Variants in UBE2E2 observed in about 807,000 individuals in gnomAD.
The protein encoded by UBE2E2 is ubiquitin conjugating enzyme E2 E2, also known as ubiquitin-conjugating enzyme E2 E2.
Under a neutral mutation model 24.7 loss-of-function variants are expected in UBE2E2, and 6 were observed. The observed-to-expected ratio is 0.24, with a 90% CI of 0.13 to 0.48. The LOEUF is 0.48. UBE2E2 is among the 20% of genes least tolerant of loss of function. UBE2E2 has a pLI of 0.99. For synonymous variants in UBE2E2, 104 were observed against 83.6 expected, an observed-to-expected ratio of 1.24 and a Z score of -1.33; for missense variants, 169 against 245.0, an observed-to-expected ratio of 0.69 and a Z score of 2.07.
At chr3:23,513,023 T>C (rs1694644591) in intron 4 of UBE2E2, among the ~76,000 whole-genome samples, 1 of 152,174 alleles carries the variant, frequency 6.6e-6, no homozygotes, top group South Asian at 2.1e-4. Flanking sequence ...TCCCCCATAC[T>C]TGGCCACTAA....
intron 3 of UBE2E2, among the ~76,000 whole-genome samples, chr3:23,488,361 C>A (rs1699424563): frequency 6.6e-6 from 1 of 152,096 alleles, no homozygotes; most frequent in Non-Finnish European, 1.5e-5. Flanking sequence ...CCGCTAAGCC[C>A]CCTACCGCCC....
At chr3:23,410,802 A>T (rs1369017296) in intron 3 of UBE2E2, among the ~76,000 whole-genome samples, 1 of 152,190 alleles carries the variant, frequency 6.6e-6, no homozygotes, top group Non-Finnish European at 1.5e-5. Context: ...CAAGTTAACA[A>T]GCAATTCTGT....
intron 3 of UBE2E2, among the ~76,000 whole-genome samples, chr3:23,379,779 G>C (rs992363388): frequency 6.6e-6 from 1 of 152,112 alleles, no homozygotes; most frequent in African/African-American, 2.4e-5. Flanking sequence ...TGACCTTTAC[G>C]TTGAAATTCT....
At chr3:23,432,471 A>G (rs1698083756) in intron 3 of UBE2E2, among the ~76,000 whole-genome samples, 2 of 152,084 alleles carry the variant, frequency 1.3e-5, no homozygotes. Flanking sequence ...ATGATTTTTA[A>G]TATTTTTAAT....
chr3:23,438,337 TACCAGA>T (rs1270938440), intron 3 of UBE2E2, among the ~76,000 whole-genome samples: 4 of 152,142 alleles, frequency 2.6e-5, no homozygotes, highest in African/African-American at 4.8e-5. Context: ...GGATTTAGGG[TACCAGA>T]ACCAGAACAT....
chr3:23,308,840 C>T (rs150019021), intron 3 of UBE2E2, among the ~76,000 whole-genome samples: 170 of 152,234 alleles, frequency 1.1e-3, no homozygotes, highest in African/African-American at 4.0e-3. Context: ...GCCTCAAAAC[C>T]GGGTAAGCTG....
At chr3:23,216,726 A>C (rs1028886987) in intron 2 of UBE2E2, among the ~76,000 whole-genome samples, 1 of 152,006 alleles carries the variant, frequency 6.6e-6, no homozygotes, top group Non-Finnish European at 1.5e-5. Context: ...TTGCTCATGT[A>C]ATATTAGGGT....
At chr3:23,341,763 A>G (rs1009552230) in intron 3 of UBE2E2, among the ~76,000 whole-genome samples, 10 of 152,254 alleles carry the variant, frequency 6.6e-5, no homozygotes, top group African/African-American at 2.4e-4. Flanking sequence ...TAATTGATCA[A>G]ACTATTTGCT....
At chr3:23,352,146 C>T (rs938722550) in intron 3 of UBE2E2, among the ~76,000 whole-genome samples, 10 of 151,926 alleles carry the variant, frequency 6.6e-5, no homozygotes, top group East Asian at 1.9e-4. Context: ...GGGTACATAA[C>T]GAAATGAAGG....
chr3:23,258,900 G>GAAAAAAAAAAAAAA (rs11333992), intron 3 of UBE2E2, among the ~76,000 whole-genome samples: 2 of 78,902 alleles, frequency 2.5e-5, no homozygotes, highest in Non-Finnish European at 2.4e-5. Context: ...CTCAAAAAAA[G>GAAAAAAAAAAAAAA]AAAAAAAAAA....
intron 3 of UBE2E2, among the ~76,000 whole-genome samples, chr3:23,469,311 C>T (rs1698986624): frequency 6.6e-6 from 1 of 152,158 alleles, no homozygotes; most frequent in South Asian, 2.1e-4. Context: ...CATTCTACAT[C>T]AGTCATCTCA....
At chr3:23,498,708 G>T (rs915768467) in intron 3 of UBE2E2, among the ~76,000 whole-genome samples, 1 of 152,136 alleles carries the variant, frequency 6.6e-6, no homozygotes, top group Non-Finnish European at 1.5e-5. Flanking sequence ...TAGGGGCCAG[G>T]TGTGGTCCAG....
chr3:23,260,885 C>G (rs549632514), intron 3 of UBE2E2, among the ~76,000 whole-genome samples: 14 of 152,180 alleles, frequency 9.2e-5, no homozygotes, highest in Non-Finnish European at 2.1e-4. Context: ...GTGGGCGGAT[C>G]ACTTGCCAAG....
intron 3 of UBE2E2, among the ~76,000 whole-genome samples, chr3:23,354,653 GA>G (rs1695882438): frequency 1.3e-5 from 2 of 152,204 alleles, no homozygotes; most frequent in African/African-American, 4.8e-5. Context: ...GGCCATCAAA[GA>G]AATGCAAATC....
At chr3:23,572,175 G>A (rs79895790) in intron 5 of UBE2E2, among the ~76,000 whole-genome samples, 4,397 of 152,162 alleles carry the variant, frequency 0.029, 107 homozygotes, top group East Asian at 0.13. Flanking sequence ...GGAAATGATC[G>A]TTTTTCTCCC....
chr3:23,252,035 A>G (rs1408908180), intron 3 of UBE2E2, among the ~76,000 whole-genome samples: 1 of 152,224 alleles, frequency 6.6e-6, no homozygotes, highest in Non-Finnish European at 1.5e-5. Context: ...CACATGTATT[A>G]TATTTTTGAT....
rs532684403 is a variant in UBE2E2 at position 23,280,949 on chromosome 3, G to A, written c.227+63637G>A. On this transcript the variant is annotated intron_variant, in intron 3 of 5. Transcript: ENST00000396703. This position sits in a 1 kb window ranked among gnomAD's most constrained non-coding sequence, Gnocchi z 4.3. ...CAAGATCAAAGTGCTGGCAGACCTG[G>A]TGTCTGGTGAGAGCACTGTTCCTAG... 2.6e-5 allele frequency among the ~76,000 whole-genome samples: 4 copies of A among 152,298 alleles called. No individual in the cohort carries two copies. In the South Asian group the frequency reaches 8.3e-4, roughly 32 times the overall value.
intron 3 of UBE2E2, chr3:23,449,797 T>C: frequency 1.1e-6 from 1 of 903,902 alleles, no homozygotes; most frequent in Non-Finnish European, 1.3e-6. Flanking sequence ...GTTTTTAATA[T>C]CTCAACGGGG....
chr3:23,272,232 G>A (rs1041424215), intron 3 of UBE2E2, among the ~76,000 whole-genome samples: 1 of 152,178 alleles, frequency 6.6e-6, no homozygotes, highest in Non-Finnish European at 1.5e-5. Context: ...GCACTGCTGG[G>A]GGATCCGGCG....
Sources: allele counts gnomAD v4.1 joint callset (sites outside exome capture counted in the v4.1 genomes callset), GRCh38; gene constraint gnomAD v4.1.1; non-coding constraint Gnocchi (gnomAD v3.1); transcripts MANE v1.5; gene names NCBI Gene and HGNC (gene_info 2026-07-23, HGNC 2026-07-21).